Variants in CFAP46 observed in about 807,000 individuals in gnomAD.
CFAP46 encodes cilia and flagella associated protein 46, also known as cilia- and flagella-associated protein 46.
CFAP46 carries 245 observed loss-of-function variants against 325.7 expected under a neutral mutation model. That is an observed-to-expected ratio of 0.75 (90% CI 0.68 to 0.84). The LOEUF is 0.84. Among genes scored for constraint, CFAP46 ranks in the 40% least tolerant of loss-of-function variants. The pLI is 0.00. For missense variants in CFAP46, 3,346 were observed against 3,543.0 expected, an observed-to-expected ratio of 0.94 and a Z score of 1.41; for synonymous variants, 1,523 against 1,495.9, an observed-to-expected ratio of 1.02 and a Z score of -0.42.
intron 38 of CFAP46, among the ~76,000 whole-genome samples, 153 bp downstream of exon 38, chr10:132,858,918 A>T (rs781269854): frequency 2.6e-5 from 4 of 151,942 alleles, no homozygotes; most frequent in Non-Finnish European, 5.9e-5. Flanking sequence ...CGTGTGGGTG[A>T]GGCGGCAGCC....
Position 132,808,611 on chromosome 10 carries a change from G to A in CFAP46, c.7958C>T (p.Pro2653Leu), listed in dbSNP as rs767871051. Residue 2653 changes from proline to leucine, a missense_variant, in exon 58 of 58, where the codon CCA becomes CTA. Physicochemically the swap from Pro to Leu is moderately conservative, Grantham distance 98 (BLOSUM62 -3). Transcript: ENST00000368586. This position sits in a 1 kb window ranked among gnomAD's most constrained non-coding sequence, Gnocchi z 6.8. ...GGCGGCTGCCTTGCGGGAAGTCGCT[G>A]GGGGAGGGTCCCTGGCTGAGGCTGC... Reference protein sequence around the residue: ...LGAASARDPPPATSRKAAAWT... With the variant: ...LGAASARDPPLATSRKAAAWT... 6.2e-7 allele frequency: 1 copy of A among 1,611,916 alleles called. No individual in the cohort carries two copies. The highest frequency in any genetic ancestry group is 8.5e-7 in the Non-Finnish European group (1 of 1,179,408).
chr10:132,823,175 CTG>C (rs1847924776), intron 50 of CFAP46, among the ~76,000 whole-genome samples: 1 of 55,930 alleles, frequency 1.8e-5, no homozygotes, highest in Non-Finnish European at 3.4e-5. Context: ...TGTGTGCTGT[CTG>C]TGCGCTGTGT....
Position 132,934,769 on chromosome 10 carries a change from G to C in CFAP46, c.849C>G (p.Pro283=). Residue 283 remains proline (P), a synonymous_variant, in exon 8 of 58, where the codon CCC becomes CCG. Coordinates refer to ENST00000368586, the MANE Select transcript of CFAP46 (RefSeq NM_001200049.3). ...HLGHYNHQRF[P]SISEEKMLLL... ...ACACTTACTTTTCTTCACTGATAGA[G>C]GGAAAGCGCTGGTGGTTGTAATGAC... 1 of 1,605,160 alleles carries C rather than the reference G, an allele frequency of 6.2e-7. No homozygotes were observed. Among genetic ancestry groups the C allele is most frequent in the Non-Finnish European group, 8.5e-7 (1 of 1,172,390 alleles).
chr10:132,822,240 CTGTGTGTGCGCTGA>C (rs1174885309), intron 50 of CFAP46, among the ~76,000 whole-genome samples: 5 of 108,620 alleles, frequency 4.6e-5, no homozygotes, highest in Non-Finnish European at 7.1e-5. Context: ...GTGATGTGTG[CTGTGTGTGCGCTGA>C]TGTGTGCTGT....
intron 11 of CFAP46, 23 bp from the exon 12 acceptor site, chr10:132,922,731 G>C: frequency 6.5e-7 from 1 of 1,531,592 alleles, no homozygotes; most frequent in Non-Finnish European, 8.8e-7. Flanking sequence ...CGTGGCATCA[G>C]GGGCCCTGGC....
intron 2 of CFAP46, 41 bp downstream of exon 2, chr10:132,941,937 CCT>C: frequency 6.5e-7 from 1 of 1,548,098 alleles, no homozygotes; most frequent in Non-Finnish European, 8.7e-7. Context: ...CCTCCCTCTC[CCT>C]GTCAAAGCTG....
At chr10:132,928,704 G>A (rs1054611917) in intron 9 of CFAP46, among the ~76,000 whole-genome samples, 3 of 152,274 alleles carry the variant, frequency 2.0e-5, no homozygotes, top group South Asian at 4.1e-4. Context: ...CTGTGCATCC[G>A]AGGGTCCCCC....
intron 50 of CFAP46, among the ~76,000 whole-genome samples, chr10:132,822,510 GCT>G: frequency 7.6e-6 from 1 of 131,576 alleles, no homozygotes; most frequent in Non-Finnish European, 1.6e-5. Flanking sequence ...TGTGCTGTGT[GCT>G]GATGTGTGCT....
intron 35 of CFAP46, among the ~76,000 whole-genome samples, chr10:132,863,256 G>A (rs58213809): frequency 0.015 from 2,270 of 152,230 alleles, 56 homozygotes; most frequent in African/African-American, 0.051. Context: ...TCCCGACCCC[G>A]GGGTGAGGGA....
At chr10:132,851,997 C>G (rs1169672960) in intron 39 of CFAP46, among the ~76,000 whole-genome samples, 1 of 151,860 alleles carries the variant, frequency 6.6e-6, no homozygotes, top group Non-Finnish European at 1.5e-5. Flanking sequence ...GATCCACAGA[C>G]CTGGTATGTT....
At chr10:132,922,002 G>T in intron 13 of CFAP46, 102 bp downstream of exon 13, 1 of 1,375,016 alleles carries the variant, frequency 7.3e-7, no homozygotes, top group Non-Finnish European at 9.8e-7. Flanking sequence ...GCATCCAGGG[G>T]GCGGTGGCAG....
intron 17 of CFAP46, 32 bp downstream of exon 17, chr10:132,916,517 C>T (rs565521696): frequency 5.3e-5 from 82 of 1,539,120 alleles, no homozygotes; most frequent in Non-Finnish European, 6.7e-5. Context: ...CGGCCCCGGG[C>T]GGTGCTCAAG....
At chr10:132,881,206 A>T (rs1849037963) in intron 27 of CFAP46, among the ~76,000 whole-genome samples, 174 bp from the exon 28 acceptor site, 1 of 152,144 alleles carries the variant, frequency 6.6e-6, no homozygotes, top group African/African-American at 2.4e-5. Flanking sequence ...GCTCATTGGG[A>T]CATTTCAGGT....
chr10:132,913,726 G>A (rs1849591529), intron 17 of CFAP46, among the ~76,000 whole-genome samples: 1 of 152,160 alleles, frequency 6.6e-6, no homozygotes, highest in African/African-American at 2.4e-5. Context: ...AGAGAGTGTG[G>A]ACTCTTCCTA....
At chr10:132,920,991 G>T (rs1849714284) in intron 13 of CFAP46, among the ~76,000 whole-genome samples, 1 of 152,250 alleles carries the variant, frequency 6.6e-6, no homozygotes. Context: ...CAAAATGAAA[G>T]CACAGGTGCG....
intron 18 of CFAP46, 21 bp from the exon 19 acceptor site, chr10:132,912,841 AGG>A (rs1849574884): frequency 1.3e-6 from 2 of 1,545,728 alleles, no homozygotes; most frequent in Non-Finnish European, 1.7e-6. Context: ...TGCTTGTCAG[AGG>A]GAACCTTGGC....
At chr10:132,879,777 CA>C (rs1278937191) in intron 28 of CFAP46, 146 bp from the exon 29 acceptor site, 3 of 821,326 alleles carry the variant, frequency 3.7e-6, no homozygotes, top group Non-Finnish European at 5.4e-6. Flanking sequence ...GGCCGGCAGC[CA>C]GGGGAAGAGT....
At chr10:132,836,083 C>T (rs1345900461) in intron 46 of CFAP46, 59 bp downstream of exon 46, 3 of 1,436,184 alleles carry the variant, frequency 2.1e-6, no homozygotes, top group Admixed American at 1.9e-5. Flanking sequence ...CACCTCCCCA[C>T]TCTCGCCCAT....
intron 50 of CFAP46, among the ~76,000 whole-genome samples, chr10:132,826,119 G>T (rs1479980183): frequency 7.1e-6 from 1 of 141,536 alleles, no homozygotes; most frequent in African/African-American, 2.7e-5. Flanking sequence ...ACGGAGCCAG[G>T]CAGGAGCCGG....
Sources: gnomAD v4.1 joint callset for allele counts (sites outside exome capture counted in the v4.1 genomes callset) on GRCh38, gnomAD v4.1.1 for gene constraint, Gnocchi (gnomAD v3.1) non-coding constraint, MANE v1.5 for transcripts, NCBI Gene and HGNC (gene_info 2026-07-23, HGNC 2026-07-21) for gene names.